IRAK1BP1: variants seen among roughly 807,000 people sequenced by gnomAD.
IRAK1BP1 encodes the protein interleukin-1 receptor-associated kinase 1-binding protein 1.
In IRAK1BP1, 24 loss-of-function variants were observed where a neutral mutation model predicts 28.0. The ratio of observed to expected loss-of-function variants is 0.86; its 90% confidence interval spans 0.62 to 1.20. The LOEUF is 1.20. Ranked by LOEUF, IRAK1BP1 falls within the 50% of genes most tolerant of loss-of-function variation. The probability of loss-of-function intolerance (pLI) is 0.00; values close to 1 mark genes in which losing one functional copy is unlikely to be tolerated. For missense variants in IRAK1BP1, 336 were observed against 316.7 expected, an observed-to-expected ratio of 1.06 and a Z score of -0.46; for synonymous variants, 131 against 116.3, an observed-to-expected ratio of 1.13 and a Z score of -0.81.
intron 1 of IRAK1BP1, among the ~76,000 whole-genome samples, chr6:78,872,456 T>A (rs1770826373): frequency 6.6e-6 from 1 of 152,214 alleles, no homozygotes; most frequent in Non-Finnish European, 1.5e-5. Context: ...TTTATACATG[T>A]CCTTAATTAC....
At chr6:78,920,347 G>A (rs1201385846) in intron 4 of IRAK1BP1, among the ~76,000 whole-genome samples, 2 of 152,004 alleles carry the variant, frequency 1.3e-5, no homozygotes, top group Admixed American at 1.3e-4. Flanking sequence ...TAAGCAAAAA[G>A]AAAAAACCCA....
At chr6:78,931,054 T>C (rs1773033090) in intron 4 of IRAK1BP1, among the ~76,000 whole-genome samples, 1 of 152,232 alleles carries the variant, frequency 6.6e-6, no homozygotes, top group African/African-American at 2.4e-5. Context: ...TGAAAGCCAC[T>C]GATTCTGTTT....
intron 4 of IRAK1BP1, among the ~76,000 whole-genome samples, chr6:78,932,916 T>G (rs935896644): frequency 6.6e-6 from 1 of 152,286 alleles, no homozygotes; most frequent in South Asian, 2.1e-4. Flanking sequence ...TTTTTATTTT[T>G]TTTCTGGAAA....
In IRAK1BP1 at chr6:78,898,598, T is replaced by C. The variant is rs1461668514; in HGVS notation, c.*264T>C. On this transcript the variant is annotated 3_prime_UTR_variant, in exon 4 of 4. Transcript: ENST00000369940. ...TATGTGCATACTTATATACTGACAG[T>C]TCATACAAGCACATGTGTAATATTT... 6.6e-6 allele frequency: 1 copy of C among 151,410 alleles called. No individual in the cohort carries two copies. The highest frequency in any genetic ancestry group is 1.5e-5 in the Non-Finnish European group (1 of 67,892). 9.4% of individuals were successfully genotyped at this position (151,410 alleles called of 1,614,324 possible).
At chr6:78,874,079 A>G (rs144235005) in intron 1 of IRAK1BP1, among the ~76,000 whole-genome samples, 220 of 152,322 alleles carry the variant, frequency 1.4e-3, no homozygotes, top group African/African-American at 4.9e-3. Context: ...AATGGCTGCA[A>G]CATTCCCAAG....
At chr6:78,888,350 TC>T (rs1771503918) in intron 2 of IRAK1BP1, among the ~76,000 whole-genome samples, 1 of 151,620 alleles carries the variant, frequency 6.6e-6, no homozygotes, top group Non-Finnish European at 1.5e-5. Flanking sequence ...TGTGTTGTTA[TC>T]ATACACATAC....
At chr6:78,946,760 T>G (rs148337691), downstream of IRAK1BP1, 1,216 of 1,591,436 alleles carry the variant, frequency 7.6e-4, 16 homozygotes, top group Admixed American at 7.9e-3. Context: ...CTTTTCTTCC[T>G]CCTTTTGGTT....
At chr6:78,926,562 C>CT (rs1276946880) in intron 4 of IRAK1BP1, among the ~76,000 whole-genome samples, 5 of 152,040 alleles carry the variant, frequency 3.3e-5, no homozygotes, top group African/African-American at 1.2e-4. Context: ...CAAGTATACA[C>CT]TTTAAGGAAT....
intron 4 of IRAK1BP1, among the ~76,000 whole-genome samples, chr6:78,916,638 G>A (rs2127663755): frequency 6.6e-6 from 1 of 152,282 alleles, no homozygotes; most frequent in East Asian, 1.9e-4. Flanking sequence ...TACTATCAAT[G>A]AGTTTGGCAC....
chr6:78,921,489 C>A (rs1344389815), intron 4 of IRAK1BP1, among the ~76,000 whole-genome samples: 2 of 152,230 alleles, frequency 1.3e-5, no homozygotes, highest in African/African-American at 4.8e-5. Flanking sequence ...GTAGACTCCA[C>A]CTCTAGGGGC....
At chr6:78,968,696 T>C in the IRAK1BP1 span, among the ~76,000 whole-genome samples, 1 of 151,816 alleles carries the variant, frequency 6.6e-6, no homozygotes. Flanking sequence ...CAAAACAGCA[T>C]ATAATTCCTT....
chr6:78,876,130 A>G (rs1202327991), intron 1 of IRAK1BP1, among the ~76,000 whole-genome samples: 3 of 152,158 alleles, frequency 2.0e-5, no homozygotes, highest in East Asian at 1.9e-4. Context: ...TAATTGAACT[A>G]TGGGGGCAGT....
chr6:78,955,880 C>T, the IRAK1BP1 span: 1 of 320,560 alleles, frequency 3.1e-6, no homozygotes, highest in African/African-American at 2.1e-5. Context: ...TTCAGTGTGG[C>T]CTCACTATAT....
intron 4 of IRAK1BP1, among the ~76,000 whole-genome samples, chr6:78,934,016 C>T (rs914563032): frequency 2.6e-5 from 4 of 152,134 alleles, no homozygotes; most frequent in African/African-American, 7.2e-5. Flanking sequence ...AAGTGAGAGA[C>T]TTGAGACTCT....
In IRAK1BP1 at chr6:78,915,628, A is replaced by G. The variant is rs187945132; in HGVS notation, c.*67+12518A>G. ...TCAAATTTGGCCCAAGGACTCCCCA[A>G]CAGCCTTGCCAAACCTTCCTTAGAC... is the stretch of plus-strand genomic sequence containing the variant. On this transcript the variant is annotated intron_variant and NMD_transcript_variant, in intron 4 of 4. Coordinates refer to the IRAK1BP1 transcript ENST00000606868. Among the ~76,000 whole-genome samples, 14 of 152,256 alleles carry G rather than the reference A, an allele frequency of 9.2e-5. No homozygotes were observed. In the East Asian group the frequency reaches 1.5e-3, roughly 17 times the overall value.
the IRAK1BP1 span, among the ~76,000 whole-genome samples, chr6:78,975,383 C>G: frequency 6.6e-6 from 1 of 152,036 alleles, no homozygotes; most frequent in Middle Eastern, 3.2e-3. Context: ...TCAAAATAAT[C>G]AGAGCTATCT....
At chr6:78,958,871 T>TA in the IRAK1BP1 span, among the ~76,000 whole-genome samples, 2 of 152,034 alleles carry the variant, frequency 1.3e-5, no homozygotes, top group African/African-American at 4.8e-5. Flanking sequence ...AGAACGTCTA[T>TA]ATGGGGAGTG....
At position 78,901,484 on chromosome 6, in the gene IRAK1BP1, A is replaced by G. The variant is rs747316436; in HGVS notation, c.*3150A>G. 10 of 152,088 alleles carry G rather than the reference A, an allele frequency of 6.6e-5. No homozygotes were observed. Among genetic ancestry groups the G allele is most frequent in the Admixed American group, 6.5e-4 (10 of 15,276 alleles). The allele number at this position is 152,088 out of a possible 1,614,324, so 9.4% of individuals were successfully genotyped here. A position where few individuals can be genotyped will look rare whatever the true frequency, so the allele number is the denominator to read the frequency against. On this transcript the variant is annotated 3_prime_UTR_variant, in exon 4 of 4. Coordinates refer to ENST00000369940, the MANE Select transcript of IRAK1BP1 (RefSeq NM_001010844.4). The stretch of plus-strand genomic sequence containing the variant: ...CCACAAAGTCTACTAGAATAAACCT[A>G]TCCTAAACTTAATCCTGTTAGAATT...
chr6:78,937,285 T>C (rs2127674176), intron 4 of IRAK1BP1: 1 of 151,876 alleles, frequency 6.6e-6, no homozygotes, highest in South Asian at 2.1e-4. Flanking sequence ...TAAAATGGAA[T>C]GTCAGAATTG....
Sources: gnomAD v4.1 joint callset for allele counts (sites outside exome capture counted in the v4.1 genomes callset) on GRCh38, gnomAD v4.1.1 for gene constraint, MANE v1.5 for transcripts, NCBI Gene and HGNC (gene_info 2026-07-23, HGNC 2026-07-21) for gene names.